Variants in NDST4 observed in about 807,000 individuals in gnomAD.
NDST4 encodes the protein N-heparan sulfate sulfotransferase 4.
A neutral mutation model predicts 100.8 loss-of-function variants in NDST4; 63 were observed. That is an observed-to-expected ratio of 0.62 (90% CI 0.51 to 0.77). The LOEUF is 0.77. NDST4 is among the 30% of genes least tolerant of loss of function. The pLI is 0.00. For missense variants in NDST4, 943 were observed against 1,018.4 expected (o/e 0.93, Z 1.01); for synonymous variants, 377 against 361.8 (o/e 1.04, Z -0.48).
chr4:114,943,049 A>G (rs1725784180), intron 4 of NDST4, among the ~76,000 whole-genome samples: 1 of 147,288 alleles, frequency 6.8e-6, no homozygotes, highest in East Asian at 2.0e-4. Flanking sequence ...ATTATATGAT[A>G]TATACATATA....
intron 2 of NDST4, among the ~76,000 whole-genome samples, chr4:115,060,461 CTG>C (rs1156852984): frequency 2.0e-5 from 3 of 151,866 alleles, no homozygotes; most frequent in African/African-American, 7.3e-5. Context: ...TACTGATAAT[CTG>C]TGAGAGACTT....
At chr4:115,061,248 T>C (rs181421133) in intron 2 of NDST4, among the ~76,000 whole-genome samples, 125 of 152,220 alleles carry the variant, frequency 8.2e-4, no homozygotes, top group Middle Eastern at 3.4e-3. Context: ...AGAAATACCA[T>C]TTGACTCAGC....
At chr4:114,829,948 A>G (rs1348976694) in intron 12 of NDST4, 56 bp from the exon 13 acceptor site, 10 of 1,194,932 alleles carry the variant, frequency 8.4e-6, no homozygotes, top group Non-Finnish European at 1.1e-5. Flanking sequence ...TCAGTGAGAC[A>G]GCCTCACCAA....
At chr4:114,994,680 C>A (rs1474601053) in intron 2 of NDST4, among the ~76,000 whole-genome samples, 1 of 151,896 alleles carries the variant, frequency 6.6e-6, no homozygotes, top group Non-Finnish European at 1.5e-5. Context: ...TTGTATACAG[C>A]TGGGTTTTGG....
chr4:114,945,368 G>GT (rs888113634), intron 4 of NDST4, among the ~76,000 whole-genome samples: 1 of 152,016 alleles, frequency 6.6e-6, no homozygotes. Context: ...CCAGCAAATG[G>GT]TATTTTCTCT....
chr4:115,089,396 G>T (rs1324925967), intron 1 of NDST4, among the ~76,000 whole-genome samples: 2 of 125,856 alleles, frequency 1.6e-5, no homozygotes, highest in Admixed American at 1.6e-4. Context: ...TCTTTTAAAT[G>T]GGTGAGTTTC....
At chr4:114,834,046 G>A (rs990014517) in intron 11 of NDST4, among the ~76,000 whole-genome samples, 4 of 152,116 alleles carry the variant, frequency 2.6e-5, no homozygotes, top group Non-Finnish European at 5.9e-5. Flanking sequence ...TAATTATCCA[G>A]CCTACCAAAT....
intron 2 of NDST4, among the ~76,000 whole-genome samples, chr4:115,044,236 C>T (rs185758482): frequency 1.6e-4 from 24 of 152,094 alleles, no homozygotes; most frequent in African/African-American, 4.6e-4. Flanking sequence ...GCCACTGAAA[C>T]GCCTAAGATC....
At chr4:115,075,223 G>A (rs1274964560) in intron 2 of NDST4, among the ~76,000 whole-genome samples, 2 of 152,062 alleles carry the variant, frequency 1.3e-5, no homozygotes, top group Admixed American at 1.3e-4. Context: ...AAAATGATTT[G>A]TTTTTGCTAA....
At chr4:115,085,259 T>C (rs1296905675) in intron 1 of NDST4, among the ~76,000 whole-genome samples, 3 of 152,192 alleles carry the variant, frequency 2.0e-5, no homozygotes, top group African/African-American at 7.2e-5. Context: ...TGTACCCCCA[T>C]TGTATCTAGG....
At chr4:114,845,059 G>A (rs1723514456) in intron 10 of NDST4, among the ~76,000 whole-genome samples, 1 of 152,162 alleles carries the variant, frequency 6.6e-6, no homozygotes, top group Non-Finnish European at 1.5e-5. Context: ...GCTGGGCTTG[G>A]TGGCTCATGC....
In NDST4 at chr4:114,944,807, C is replaced by T. The variant is rs565907751; in HGVS notation, c.1222-7304G>A. 3.2e-4 allele frequency among the ~76,000 whole-genome samples: 49 copies of T among 152,170 alleles called. 2 individuals are homozygous for T. The highest frequency in any genetic ancestry group is 7.5e-4 in the African/African-American group (31 of 41,532). On this transcript the variant is annotated intron_variant, in intron 4 of 13. Coordinates refer to ENST00000264363, the MANE Select transcript of NDST4 (RefSeq NM_022569.3). ...CAAACATATCCGAAAGCTTCACATG[C>T]GGGGGTAGAAGAAACGATAGGTGAG...
At chr4:114,884,874 TTAAAG>T (rs761114540) in intron 6 of NDST4, among the ~76,000 whole-genome samples, 35 of 152,122 alleles carry the variant, frequency 2.3e-4, no homozygotes, top group Non-Finnish European at 4.7e-4. Context: ...AAATTTTTGA[TTAAAG>T]TAAACCAGGC....
At chr4:114,842,444 T>A (rs750088088) in intron 10 of NDST4, among the ~76,000 whole-genome samples, 1 of 151,524 alleles carries the variant, frequency 6.6e-6, no homozygotes, top group Admixed American at 6.6e-5. Flanking sequence ...GTTGATAGAA[T>A]ACAGTGTGTC....
At chr4:115,000,028 G>A (rs1404231222) in intron 2 of NDST4, among the ~76,000 whole-genome samples, 7 of 151,746 alleles carry the variant, frequency 4.6e-5, no homozygotes, top group South Asian at 2.1e-4. Context: ...CAAAAGTCAC[G>A]AACAACTGTT....
intron 6 of NDST4, among the ~76,000 whole-genome samples, chr4:114,886,618 A>G (rs557313617): frequency 6.6e-6 from 1 of 152,234 alleles, no homozygotes; most frequent in Admixed American, 6.5e-5. Context: ...ATAAACATTA[A>G]AAAAAGTTCT....
At chr4:114,976,026 T>C (rs1230631520) in intron 3 of NDST4, among the ~76,000 whole-genome samples, 1 of 152,022 alleles carries the variant, frequency 6.6e-6, no homozygotes, top group Non-Finnish European at 1.5e-5. Context: ...TAATTTTCCT[T>C]CTATTACTTT....
intron 2 of NDST4, among the ~76,000 whole-genome samples, chr4:115,062,381 A>C (rs1298436838): frequency 1.3e-5 from 2 of 152,000 alleles, no homozygotes; most frequent in African/African-American, 2.4e-5. Flanking sequence ...GGCTCAGATC[A>C]TTTTAGAAGA....
intron 4 of NDST4, among the ~76,000 whole-genome samples, chr4:114,970,212 A>G (rs1726479497): frequency 6.6e-6 from 1 of 150,670 alleles, no homozygotes; most frequent in African/African-American, 2.5e-5. Context: ...TACTTTTTGA[A>G]ATATATTTTC....
Sources: allele counts gnomAD v4.1 joint callset (sites outside exome capture counted in the v4.1 genomes callset), GRCh38; gene constraint gnomAD v4.1.1; transcripts MANE v1.5; gene names NCBI Gene and HGNC (gene_info 2026-07-23, HGNC 2026-07-21).